LEKR1: variants seen among roughly 807,000 people sequenced by gnomAD.
The protein encoded by LEKR1 is leucine, glutamate and lysine rich 1, also known as protein LEKR1.
In LEKR1, 59 loss-of-function variants were observed where a neutral mutation model predicts 72.4. That is an observed-to-expected ratio of 0.82 (90% CI 0.66 to 1.01). The LOEUF (loss-of-function observed/expected upper bound fraction) is 1.01, where lower values mean the gene tolerates loss of function less well. Among genes scored for constraint, LEKR1 ranks in the 50% least tolerant of loss-of-function variants. The pLI, the probability that LEKR1 is intolerant of heterozygous loss-of-function variation, is 0.00. For missense variants in LEKR1, 728 were observed against 759.2 expected, an observed-to-expected ratio of 0.96 and a Z score of 0.48; for synonymous variants, 257 against 263.2, an observed-to-expected ratio of 0.98 and a Z score of 0.23.
At chr3:157,031,310 A>C (rs1734591156) in intron 12 of LEKR1, among the ~76,000 whole-genome samples, 2 of 152,162 alleles carry the variant, frequency 1.3e-5, no homozygotes, top group Non-Finnish European at 2.9e-5. Context: ...GTTGGTATAT[A>C]AATGATCACA....
chr3:156,937,601 A>G (rs1478488011), intron 5 of LEKR1, among the ~76,000 whole-genome samples: 3 of 152,200 alleles, frequency 2.0e-5, no homozygotes, highest in African/African-American at 4.8e-5. Context: ...TCTAGAAAAT[A>G]ATTTTGCATT....
At position 157,011,985 on chromosome 3, in the gene LEKR1, T is replaced by C. The variant is rs1164818219; in HGVS notation, c.1203+479T>C. Among the ~76,000 whole-genome samples the C allele has an allele frequency of 3.3e-5, 5 of 152,108 alleles. No individual in the cohort carries two copies. The South Asian group carries it at 6.2e-4, about 19-fold the overall frequency. ...CAGCTTGCTATTATTTACAGAGAAA[T>C]GTTTGCTGTTAGAGAACAAAAAAAA... On this transcript the variant is annotated intron_variant, in intron 10 of 12. Coordinates refer to ENST00000356539, the MANE Select transcript of LEKR1 (RefSeq NM_001004316.3).
intron 10 of LEKR1, among the ~76,000 whole-genome samples, chr3:157,022,277 T>C (rs907192653): frequency 6.6e-6 from 1 of 152,162 alleles, no homozygotes; most frequent in Non-Finnish European, 1.5e-5. Flanking sequence ...GATATATTAA[T>C]GCACTGAGAA....
At chr3:157,009,452 A>G (rs1234434902) in intron 9 of LEKR1, among the ~76,000 whole-genome samples, 1 of 152,160 alleles carries the variant, frequency 6.6e-6, no homozygotes, top group Non-Finnish European at 1.5e-5. Context: ...GTTTGAAATT[A>G]GCTAAAACTT....
At chr3:156,911,316 A>G (rs972812997) in intron 3 of LEKR1, among the ~76,000 whole-genome samples, 1 of 151,086 alleles carries the variant, frequency 6.6e-6, no homozygotes, top group Admixed American at 6.6e-5. Flanking sequence ...TTTGAGAAAT[A>G]TTTTTTATGT....
chr3:156,871,487 G>A (rs373251563), intron 3 of LEKR1, among the ~76,000 whole-genome samples: 53 of 152,104 alleles, frequency 3.5e-4, no homozygotes, highest in African/African-American at 1.1e-3. Flanking sequence ...TGGGATGGCT[G>A]GGTCAAATGG....
chr3:156,949,833 G>T (rs983018271), intron 6 of LEKR1, among the ~76,000 whole-genome samples: 1 of 151,180 alleles, frequency 6.6e-6, no homozygotes, highest in African/African-American at 2.4e-5. Context: ...AATAGAAATA[G>T]GCCTTTATTT....
chr3:157,039,276 T>G (rs1011139133), intron 12 of LEKR1, among the ~76,000 whole-genome samples: 1 of 152,214 alleles, frequency 6.6e-6, no homozygotes, highest in Non-Finnish European at 1.5e-5. Context: ...AAAATATGTT[T>G]CCAATGTAAA....
chr3:156,852,381 G>A (rs1038508903), intron 2 of LEKR1, among the ~76,000 whole-genome samples: 1 of 152,154 alleles, frequency 6.6e-6, no homozygotes, highest in African/African-American at 2.4e-5. Flanking sequence ...AAAAAGCCAG[G>A]AGAACAGAGC....
intron 3 of LEKR1, among the ~76,000 whole-genome samples, chr3:156,899,109 A>G (rs1010653559): frequency 6.6e-6 from 1 of 151,896 alleles, no homozygotes; most frequent in African/African-American, 2.4e-5. Flanking sequence ...TCCTCAACTA[A>G]GGAACCACTA....
chr3:156,940,547 G>T (rs1726112503), intron 5 of LEKR1, among the ~76,000 whole-genome samples: 1 of 152,274 alleles, frequency 6.6e-6, no homozygotes, highest in Middle Eastern at 3.4e-3. Flanking sequence ...TTGTATAATG[G>T]CAAGGGTAGA....
chr3:157,020,253 C>A (rs1560151610), intron 10 of LEKR1, among the ~76,000 whole-genome samples: 1 of 107,864 alleles, frequency 9.3e-6, no homozygotes, highest in Admixed American at 1.0e-4. Flanking sequence ...TGCTGATTTT[C>A]TTTTATTATT....
intron 10 of LEKR1, among the ~76,000 whole-genome samples, chr3:157,011,882 G>T (rs12629809): frequency 0.09 from 13,713 of 151,978 alleles, 688 homozygotes; most frequent in African/African-American, 0.12. Flanking sequence ...GAAGATAAAA[G>T]AATGGAAAAT....
Position 157,045,246 on chromosome 3 carries a change from C to T in LEKR1, c.1669-94C>T, listed in dbSNP as rs897320531. 1.1e-5 allele frequency: 11 copies of T among 1,024,884 alleles called. No homozygotes were observed. In the African/African-American group the frequency reaches 1.4e-4, roughly 13 times the overall value. 63.5% of individuals were successfully genotyped at this position (1,024,884 alleles called of 1,614,324 possible). On this transcript the variant is annotated intron_variant, in intron 12 of 12. Coordinates refer to ENST00000356539, the MANE Select transcript of LEKR1 (RefSeq NM_001004316.3). ...GACAAAGAATACAGACCTCTGATTT[C>T]CAGTTCTGTTCTCAAATTGTATTGT...
intron 2 of LEKR1, among the ~76,000 whole-genome samples, chr3:156,837,529 C>G (rs1713311463): frequency 6.6e-6 from 1 of 152,182 alleles, no homozygotes; most frequent in Non-Finnish European, 1.5e-5. Flanking sequence ...TGTAACTGAC[C>G]AGCCCACAGG....
intron 2 of LEKR1, among the ~76,000 whole-genome samples, chr3:156,838,164 A>G (rs1713402730): frequency 6.6e-6 from 1 of 152,208 alleles, no homozygotes; most frequent in Admixed American, 6.5e-5. Flanking sequence ...TTCTCCAACC[A>G]GGAGTTTCAA....
intron 6 of LEKR1, among the ~76,000 whole-genome samples, chr3:156,952,925 T>G (rs1234028889): frequency 2.0e-5 from 3 of 151,364 alleles, no homozygotes; most frequent in Non-Finnish European, 3.0e-5. Context: ...CTTGGAGAGA[T>G]AGAGAGCTCC....
chr3:157,029,237 G>A (rs946894431), intron 12 of LEKR1, among the ~76,000 whole-genome samples: 2 of 152,094 alleles, frequency 1.3e-5, no homozygotes, highest in Admixed American at 1.3e-4. Flanking sequence ...AGCCAAAATA[G>A]AAAGTTTACA....
At chr3:156,933,027 C>G (rs1490212221) in intron 5 of LEKR1, among the ~76,000 whole-genome samples, 2 of 152,046 alleles carry the variant, frequency 1.3e-5, no homozygotes, top group African/African-American at 2.4e-5. Flanking sequence ...GAGACTCCGT[C>G]TCAAACAAAC....
Sources: gnomAD v4.1 joint callset for allele counts (sites outside exome capture counted in the v4.1 genomes callset) on GRCh38, gnomAD v4.1.1 for gene constraint, MANE v1.5 for transcripts, NCBI Gene and HGNC (gene_info 2026-07-23, HGNC 2026-07-21) for gene names.